The following VPS13C variants were observed in gnomAD, a reference collection of about 807,000 sequenced individuals.
VPS13C encodes the protein intermembrane lipid transfer protein VPS13C.
VPS13C carries 358 observed loss-of-function variants against 456.8 expected under a neutral mutation model. The observed-to-expected ratio is 0.78, with a 90% CI of 0.72 to 0.86. VPS13C has a LOEUF of 0.86. Among genes scored for constraint, VPS13C ranks in the 40% least tolerant of loss-of-function variants. VPS13C has a pLI of 0.00. For missense variants in VPS13C, 4,818 were observed against 4,385.4 expected, an observed-to-expected ratio of 1.10 and a Z score of -2.79; for synonymous variants, 1,578 against 1,486.7, an observed-to-expected ratio of 1.06 and a Z score of -1.41.
intron 71 of VPS13C, 138 bp from the exon 72 acceptor site, chr15:61,881,092 GTC>G (rs1379727698): frequency 1.4e-6 from 1 of 710,056 alleles, no homozygotes; most frequent in Non-Finnish European, 2.2e-6. Flanking sequence ...TAAGATCAAA[GTC>G]TTCTTAGATT....
intron 66 of VPS13C, among the ~76,000 whole-genome samples, chr15:61,904,549 G>C (rs539402709): frequency 2.6e-5 from 4 of 151,310 alleles, no homozygotes; most frequent in African/African-American, 9.7e-5. Flanking sequence ...AGTGTTGATG[G>C]GAATGTAAAG....
rs527359625 is a variant in VPS13C at position 61,954,666 on chromosome 15, A to G, written c.4166-112T>C. 57 of 1,015,192 alleles carry G rather than the reference A, an allele frequency of 5.6e-5. No individual in the cohort carries two copies. In the South Asian group the frequency reaches 9.1e-4, roughly 16 times the overall value. 62.9% of individuals were successfully genotyped at this position (1,015,192 alleles called of 1,614,324 possible). On this transcript the variant is annotated intron_variant, in intron 37 of 84. Transcript: ENST00000644861. Reference sequence around the variant, plus strand: ...CTGGTAGAGGCAATGAAAATCCACGAATTAGTAACAGCGCTAGCCCTTGGA... The same window carrying G: ...CTGGTAGAGGCAATGAAAATCCACGGATTAGTAACAGCGCTAGCCCTTGGA...
chr15:61,971,044 T>C (rs2045534145), intron 27 of VPS13C, among the ~76,000 whole-genome samples: 1 of 152,076 alleles, frequency 6.6e-6, no homozygotes, highest in African/African-American at 2.4e-5. Context: ...CTGGTAATAA[T>C]GGCACATGAT....
At chr15:62,022,270 GTT>G (rs1029613136) in intron 8 of VPS13C, among the ~76,000 whole-genome samples, 3 of 151,746 alleles carry the variant, frequency 2.0e-5, no homozygotes, top group Admixed American at 2.0e-4. Flanking sequence ...GTATGATAAA[GTT>G]TAATTTTACA....
At chr15:61,972,478 G>A (rs893723286) in intron 27 of VPS13C, 147 bp downstream of exon 27, 1 of 650,942 alleles carries the variant, frequency 1.5e-6, no homozygotes, top group African/African-American at 1.8e-5. Context: ...GAGTGTGTGT[G>A]AGAGTGTGTA....
At chr15:62,056,760 G>C (rs1017364786) in intron 1 of VPS13C, among the ~76,000 whole-genome samples, 1 of 152,170 alleles carries the variant, frequency 6.6e-6, no homozygotes, top group Non-Finnish European at 1.5e-5. Context: ...CTGCCTTCTA[G>C]ATAGCAGTAG....
chr15:62,006,567 G>C (rs977422802), intron 15 of VPS13C, among the ~76,000 whole-genome samples: 7 of 152,184 alleles, frequency 4.6e-5, no homozygotes, highest in African/African-American at 1.4e-4. Context: ...ATAAACATAT[G>C]TGTGCATGTG....
intron 9 of VPS13C, among the ~76,000 whole-genome samples, chr15:62,014,942 A>T (rs1320711314): frequency 6.6e-6 from 1 of 152,198 alleles, no homozygotes; most frequent in Admixed American, 6.6e-5. Flanking sequence ...CACCAGGCAG[A>T]AAGTAATACA....
chr15:61,895,901 AG>A (rs1352162144), intron 66 of VPS13C, among the ~76,000 whole-genome samples: 1 of 152,210 alleles, frequency 6.6e-6, no homozygotes, highest in African/African-American at 2.4e-5. Flanking sequence ...ATAGCATTAT[AG>A]GATGACTACA....
chr15:61,949,351 A>C, intron 42 of VPS13C, 92 bp downstream of exon 42: 1 of 1,426,044 alleles, frequency 7.0e-7, no homozygotes, highest in Non-Finnish European at 9.6e-7. Context: ...CAATGTCAAC[A>C]TGCTAAATAT....
At chr15:61,897,886 A>T (rs1280579646) in intron 66 of VPS13C, among the ~76,000 whole-genome samples, 1 of 152,250 alleles carries the variant, frequency 6.6e-6, no homozygotes, top group African/African-American at 2.4e-5. Flanking sequence ...GAAGCCCATC[A>T]GACTAACAGC....
intron 62 of VPS13C, 104 bp downstream of exon 62, chr15:61,913,207 T>C (rs2043355398): frequency 5.0e-6 from 5 of 997,660 alleles, no homozygotes; most frequent in Non-Finnish European, 7.8e-6. Context: ...CTATAAATCA[T>C]GCTGCTATAA....
chr15:61,864,464 T>C (rs1433641231), intron 81 of VPS13C: 1 of 822,308 alleles, frequency 1.2e-6, no homozygotes, highest in Admixed American at 6.2e-5. Flanking sequence ...ATAGATAATA[T>C]ATATGAAAAT....
At chr15:61,969,959 C>T (rs964675634) in intron 27 of VPS13C, among the ~76,000 whole-genome samples, 1 of 146,736 alleles carries the variant, frequency 6.8e-6, no homozygotes, top group Non-Finnish European at 1.5e-5. Context: ...TCTTTGTCTC[C>T]ACCCTTTGAA....
At chr15:61,976,712 T>C (rs74395814) in intron 24 of VPS13C, among the ~76,000 whole-genome samples, 15,599 of 152,058 alleles carry the variant, frequency 0.1, 1,247 homozygotes, top group Non-Finnish European at 0.14. Context: ...AACTGTCTAC[T>C]TAAATTCAAA....
chr15:61,937,537 C>T (rs2044269133), intron 47 of VPS13C, among the ~76,000 whole-genome samples: 1 of 152,166 alleles, frequency 6.6e-6, no homozygotes, highest in Non-Finnish European at 1.5e-5. Context: ...TGCAGTGGCA[C>T]AATCTTGGCT....
intron 66 of VPS13C, among the ~76,000 whole-genome samples, chr15:61,904,161 CA>C (rs999050144): frequency 6.6e-6 from 1 of 151,766 alleles, no homozygotes; most frequent in Non-Finnish European, 1.5e-5. Context: ...GGCTTCACGG[CA>C]AAGGAAATAA....
At chr15:61,947,514 A>C (rs2044647667) in intron 42 of VPS13C, among the ~76,000 whole-genome samples, 2 of 152,100 alleles carry the variant, frequency 1.3e-5, no homozygotes. Flanking sequence ...CCTTCAAATT[A>C]AGAATAAAAG....
chr15:61,886,463 CTT>C (rs1214136186), intron 67 of VPS13C, among the ~76,000 whole-genome samples: 4 of 152,048 alleles, frequency 2.6e-5, no homozygotes, highest in Admixed American at 6.6e-5. Context: ...TCACTTTTCT[CTT>C]GTTTTGATAT....
Sources: gnomAD v4.1 joint callset for allele counts (sites outside exome capture counted in the v4.1 genomes callset) on GRCh38, gnomAD v4.1.1 for gene constraint, MANE v1.5 for transcripts, NCBI Gene and HGNC (gene_info 2026-07-23, HGNC 2026-07-21) for gene names.